The following DNAH11 variants were observed in gnomAD, a reference collection of about 807,000 sequenced individuals.
The protein encoded by DNAH11 is dynein axonemal heavy chain 11.
In DNAH11, 442 loss-of-function variants were observed where a neutral mutation model predicts 526.0. That is an observed-to-expected ratio of 0.84 (90% CI 0.78 to 0.91). DNAH11 has a LOEUF of 0.91. DNAH11 is among the 40% of genes least tolerant of loss of function. DNAH11 has a pLI of 0.00. For synonymous variants in DNAH11, 2,461 were observed against 1,935.9 expected (o/e 1.27, Z -7.12); for missense variants, 6,989 against 5,448.7 (o/e 1.28, Z -8.90).
In DNAH11 at chr7:21,725,972, T is replaced by A. The variant is rs1179297116; in HGVS notation, c.7428T>A (p.Asp2476Glu). 6.4e-7 allele frequency: 1 copy of A among 1,552,642 alleles called. No homozygotes were observed. Among genetic ancestry groups the A allele is most frequent in the Admixed American group, 2.0e-5 (1 of 50,856 alleles). Residue 2476 changes from aspartate (D) to glutamate (E), a missense_variant, in exon 45 of 82, where the codon GAT (aspartate) becomes GAA (glutamate). By Grantham distance (45) the Asp-to-Glu change is conservative. Transcript: ENST00000409508. ...TTGCCCAGTTTACTATGGATCCAGA[T>A]GTGCCTCTGCAGGTAGGTGTGTGGA... Reference protein sequence around the residue: ...DKIAQFTMDPDVPLQTVLVHT... With the variant: ...DKIAQFTMDPEVPLQTVLVHT...
intron 79 of DNAH11, among the ~76,000 whole-genome samples, chr7:21,898,408 C>A (rs1239629763): frequency 9.9e-5 from 15 of 152,182 alleles, no homozygotes; most frequent in Admixed American, 9.8e-4. Context: ...GCAAGTATCT[C>A]AGGCAGACAT....
At chr7:21,862,296 A>T (rs1257821050) in intron 69 of DNAH11, among the ~76,000 whole-genome samples, 2 of 151,874 alleles carry the variant, frequency 1.3e-5, no homozygotes, top group South Asian at 2.1e-4. Flanking sequence ...AAAAATATTC[A>T]TAAGACATTC....
At chr7:21,707,187 G>C (rs1371401629) in intron 39 of DNAH11, among the ~76,000 whole-genome samples, 1 of 152,156 alleles carries the variant, frequency 6.6e-6, no homozygotes, top group Middle Eastern at 3.2e-3. Flanking sequence ...AGCATGGCCA[G>C]ACCAGCATCA....
intron 66 of DNAH11, among the ~76,000 whole-genome samples, chr7:21,849,081 C>T (rs1583769418): frequency 3.3e-5 from 5 of 152,284 alleles, no homozygotes; most frequent in South Asian, 4.1e-4. Flanking sequence ...GATGGGATTT[C>T]GCCATGTTGG....
At chr7:21,553,570 C>A (rs548284427) in intron 2 of DNAH11, among the ~76,000 whole-genome samples, 1 of 152,196 alleles carries the variant, frequency 6.6e-6, no homozygotes, top group Admixed American at 6.5e-5. Context: ...GAACTCCCCC[C>A]ACAGTCTTCA....
At chr7:21,593,711 A>C (rs1455880232) in intron 14 of DNAH11, among the ~76,000 whole-genome samples, 1 of 151,910 alleles carries the variant, frequency 6.6e-6, no homozygotes, top group East Asian at 1.9e-4. Context: ...GAACATGGGG[A>C]GTTGATTTCT....
intron 18 of DNAH11, 84 bp downstream of exon 18, chr7:21,601,702 T>G: frequency 9.4e-7 from 1 of 1,059,084 alleles, no homozygotes; most frequent in Non-Finnish European, 1.3e-6. Flanking sequence ...TCTCTTATGA[T>G]GTCCTTATAA....
intron 54 of DNAH11, among the ~76,000 whole-genome samples, chr7:21,755,239 G>A (rs546247965): frequency 6.6e-6 from 1 of 152,312 alleles, no homozygotes; most frequent in East Asian, 1.9e-4. Context: ...TCCTTGGATT[G>A]CCTCAAATAA....
chr7:21,797,062 A>G (rs1384849360), intron 61 of DNAH11, among the ~76,000 whole-genome samples: 1 of 152,202 alleles, frequency 6.6e-6, no homozygotes, highest in African/African-American at 2.4e-5. Flanking sequence ...GTGAGAAAAG[A>G]AAACAGCAGG....
chr7:21,768,602 G>A (rs1989905), intron 55 of DNAH11, among the ~76,000 whole-genome samples: 9,811 of 152,238 alleles, frequency 0.064, 512 homozygotes, highest in Non-Finnish European at 0.097. Flanking sequence ...TAAAAGTAAT[G>A]ACACAAACTC....
At chr7:21,824,654 A>G (rs1790200010) in intron 65 of DNAH11, among the ~76,000 whole-genome samples, 1 of 152,210 alleles carries the variant, frequency 6.6e-6, no homozygotes, top group Non-Finnish European at 1.5e-5. Context: ...AAGACATAGG[A>G]AGGTGAAGAT....
chr7:21,764,328 A>G (rs1004547550), intron 54 of DNAH11, among the ~76,000 whole-genome samples: 10 of 152,186 alleles, frequency 6.6e-5, no homozygotes, highest in Admixed American at 2.6e-4. Context: ...TATGACATGG[A>G]TTTTTTAAAT....
Position 21,683,916 on chromosome 7 carries a change from C to T in DNAH11, c.5593C>T (p.Arg1865Ter), listed in dbSNP as rs767101212. The change falls in exon 32 of 82, where the codon CGA (arginine) becomes TGA (stop). Residue 1865 changes from arginine (R) to a stop codon, truncating the protein, a stop_gained. Transcript: ENST00000409508. LOFTEE classifies it high-confidence loss of function. ...CTATGAATACTTAGGAAACAGCCCTCGACTAGTGATCACTCCTCTAACTGA... is the reference window on the plus strand; with the variant it reads ...CTATGAATACTTAGGAAACAGCCCTTGACTAGTGATCACTCCTCTAACTGA... Reference protein sequence around the residue: ...YFYEYLGNSPRLVITPLTDRC... With the variant: ...YFYEYLGNSP 9.9e-6 allele frequency: 16 copies of T among 1,613,406 alleles called. No individual in the cohort carries two copies. Among genetic ancestry groups the T allele is most frequent in the Admixed American group, 3.3e-5 (2 of 59,964 alleles).
intron 18 of DNAH11, among the ~76,000 whole-genome samples, chr7:21,603,605 T>C (rs927430871): frequency 5.9e-5 from 9 of 152,232 alleles, no homozygotes; most frequent in Non-Finnish European, 1.3e-4. Flanking sequence ...TGTATATGAA[T>C]TGTTAAATTC....
intron 55 of DNAH11, among the ~76,000 whole-genome samples, chr7:21,768,053 G>C (rs1583674059): frequency 6.6e-6 from 1 of 152,296 alleles, no homozygotes. Flanking sequence ...ATTAATGTTT[G>C]TGCTATTTTT....
intron 76 of DNAH11, among the ~76,000 whole-genome samples, chr7:21,888,615 G>C (rs914260572): frequency 3.9e-5 from 6 of 151,926 alleles, no homozygotes; most frequent in African/African-American, 1.5e-4. Flanking sequence ...TCAGCCTCCT[G>C]AGTAGCTGGG....
Position 21,854,368 on chromosome 7 carries a change from C to T in DNAH11, c.11115C>T (p.Tyr3705=). 1.9e-6 allele frequency: 3 copies of T among 1,613,766 alleles called. No individual in the cohort carries two copies. Among genetic ancestry groups the T allele is most frequent in the Non-Finnish European group, 2.5e-6 (3 of 1,179,820 alleles). Residue 3705 remains tyrosine, a synonymous_variant, in exon 68 of 82, where the codon TAC becomes TAT. Transcript: ENST00000409508. Reference sequence around the variant, plus strand: ...AAATCAACGAGGCCCGAGAATGTTACAGACCAGTGGCAGCAAGAGCATCTC... The same window carrying T: ...AAATCAACGAGGCCCGAGAATGTTATAGACCAGTGGCAGCAAGAGCATCTC... ...ERKINEAREC[Y]RPVAARASLL...
chr7:21,791,604 C>A (rs1340352476), intron 61 of DNAH11, among the ~76,000 whole-genome samples: 1 of 152,142 alleles, frequency 6.6e-6, no homozygotes, highest in Non-Finnish European at 1.5e-5. Context: ...CTTAAGAGCT[C>A]CCCCATCTAC....
intron 14 of DNAH11, among the ~76,000 whole-genome samples, chr7:21,593,663 G>C (rs1187132886): frequency 1.3e-5 from 2 of 152,138 alleles, no homozygotes; most frequent in African/African-American, 4.8e-5. Flanking sequence ...GGCAAAGATA[G>C]GAATGTGGTG....
Sources: gnomAD v4.1 joint callset for allele counts (sites outside exome capture counted in the v4.1 genomes callset) on GRCh38, gnomAD v4.1.1 for gene constraint, MANE v1.5 for transcripts, NCBI Gene and HGNC (gene_info 2026-07-23, HGNC 2026-07-21) for gene names.